Variants in DSC1 observed in about 807,000 individuals in gnomAD.
DSC1 encodes the protein desmocollin 1.
DSC1 carries 79 observed loss-of-function variants against 98.8 expected under a neutral mutation model. The observed-to-expected ratio is 0.80, with a 90% confidence interval of 0.67 to 0.96. The LOEUF is 0.96. Ranked by LOEUF, DSC1 falls within the 50% of genes least tolerant of loss-of-function variation. The probability of loss-of-function intolerance (pLI) is 0.00; values close to 1 mark genes in which losing one functional copy is unlikely to be tolerated. For missense variants in DSC1, 1,115 were observed against 1,075.9 expected, an observed-to-expected ratio of 1.04 and a Z score of -0.51; for synonymous variants, 405 against 372.1, an observed-to-expected ratio of 1.09 and a Z score of -1.02.
intron 1 of DSC1, among the ~76,000 whole-genome samples, chr18:31,160,842 A>C (rs779279834): frequency 6.6e-6 from 1 of 152,144 alleles, no homozygotes; most frequent in African/African-American, 2.4e-5. Context: ...ATACATATGC[A>C]TATACCTGTA....
intron 7 of DSC1, 79 bp from the exon 8 acceptor site, chr18:31,143,870 CA>C: frequency 1.9e-6 from 2 of 1,069,376 alleles, no homozygotes; most frequent in Non-Finnish European, 2.6e-6. Context: ...CTTGTTTAGG[CA>C]CGATTATTGT....
At position 31,130,644 on chromosome 18, in the gene DSC1, T is replaced by C. The variant is rs756072946; in HGVS notation, c.2555A>G (p.Tyr852Cys). Reference sequence around the variant, plus strand: ...GCCGGCCAGAGAACCTTTGCCTTCATAGTTATACGAACAAACGTAGTCTTC... The same window carrying C: ...GCCGGCCAGAGAACCTTTGCCTTCACAGTTATACGAACAAACGTAGTCTTC... ...HCEDYVCSYNYEGKGSLAGSV... is the reference protein window; with the variant it reads ...HCEDYVCSYNCEGKGSLAGSV... The change falls in exon 16 of 16, where the codon TAT becomes TGT. Residue 852 changes from tyrosine to cysteine, a missense_variant. By Grantham distance (194) the Tyr-to-Cys change is radical (BLOSUM62 -2). Coordinates refer to ENST00000257198, the MANE Select transcript of DSC1 (RefSeq NM_024421.2). The C allele has an allele frequency of 3.1e-6, 5 of 1,614,100 alleles. No individual in the cohort carries two copies. Among genetic ancestry groups the C allele is most frequent in the African/African-American group, 1.3e-5 (1 of 74,942 alleles).
intron 11 of DSC1, among the ~76,000 whole-genome samples, chr18:31,135,923 A>G (rs1309147386): frequency 6.6e-6 from 1 of 152,196 alleles, no homozygotes; most frequent in African/African-American, 2.4e-5. Context: ...CCATGCAAAT[A>G]TAATTTATTT....
chr18:31,154,782 G>T lies in DSC1; in HGVS notation c.619C>A (p.Gln207Lys). The change falls in exon 5 of 16, where the codon CAG becomes AAG. Residue 207 changes from glutamine to lysine, a missense_variant. Physicochemically the swap from Gln to Lys is moderately conservative, Grantham distance 53. Transcript: ENST00000257198. ...TRSIDREKYE[Q>K]FALYGYATTA... is the part of the protein sequence containing the mutation. ...TATTTCAATAATCCTACCGCAAACT[G>T]TTCATATTTCTCACGGTCAATGCTC... The T allele has an allele frequency of 6.2e-7, 1 of 1,610,324 alleles. No individual in the cohort carries two copies.
At chr18:31,130,861 A>G (rs542497878) in intron 15 of DSC1, 150 bp from the exon 16 acceptor site, 3 of 1,596,588 alleles carry the variant, frequency 1.9e-6, no homozygotes, top group Admixed American at 1.8e-5. Context: ...AATGCACAGG[A>G]TTGGTCTGTA....
chr18:31,139,944 T>TTC, intron 10 of DSC1, 54 bp from the exon 11 acceptor site: 1 of 1,565,090 alleles, frequency 6.4e-7, no homozygotes. Context: ...GACATGATCT[T>TTC]AAAATCTGTC....
At position 31,148,547 on chromosome 18, in the gene DSC1, A is replaced by G; in HGVS notation, c.723T>C (p.Tyr241=). 3.1e-6 allele frequency: 5 copies of G among 1,612,112 alleles called. No homozygotes were observed. Among genetic ancestry groups the G allele is most frequent in the Non-Finnish European group, 4.2e-6 (5 of 1,178,536 alleles). ...TAAAGATAGTCACTCTGTGTTCAAA[A>G]TATGGGGCGTTATCATTATCATCTT... ...KIEDDNDNAP[Y]FEHRVTIFTV... Residue 241 remains tyrosine (Y), a synonymous_variant, in exon 6 of 16, where the codon TAT becomes TAC. Coordinates refer to ENST00000257198, the MANE Select transcript of DSC1 (RefSeq NM_024421.2).
chr18:31,131,904 A>C, intron 14 of DSC1, 62 bp from the exon 15 acceptor site: 2 of 1,576,706 alleles, frequency 1.3e-6, no homozygotes, highest in African/African-American at 1.4e-5. Context: ...ATTCATTTTC[A>C]TTTTTTTTCA....
chr18:31,155,957 G>T, intron 4 of DSC1, 86 bp downstream of exon 4: 2 of 1,415,018 alleles, frequency 1.4e-6, no homozygotes, highest in Non-Finnish European at 1.9e-6. Flanking sequence ...TTAAACCTCT[G>T]ATTCAATATG....
intron 1 of DSC1, 73 bp from the exon 2 acceptor site, chr18:31,159,602 A>T (rs1213122231): frequency 1.5e-6 from 2 of 1,346,334 alleles, no homozygotes; most frequent in South Asian, 1.4e-5. Context: ...GCTTTTTCTT[A>T]TTGATAAAAA....
intron 8 of DSC1, among the ~76,000 whole-genome samples, chr18:31,143,157 TA>T (rs1213814258): frequency 1.3e-5 from 2 of 151,788 alleles, no homozygotes; most frequent in African/African-American, 4.8e-5. Context: ...TATATTTATA[TA>T]TATCTCTTAT....
intron 8 of DSC1, 75 bp downstream of exon 8, chr18:31,143,582 A>C: frequency 8.2e-7 from 1 of 1,226,714 alleles, no homozygotes; most frequent in Non-Finnish European, 1.1e-6. Flanking sequence ...GTGATCTCAC[A>C]GAGCTACCAA....
intron 5 of DSC1, among the ~76,000 whole-genome samples, chr18:31,154,270 G>A (rs1989052046): frequency 7.8e-6 from 1 of 128,130 alleles, no homozygotes; most frequent in Non-Finnish European, 1.8e-5. Flanking sequence ...GTGAGAGAAA[G>A]GGATGCAAAA....
In DSC1 at chr18:31,159,307, C is replaced by T. The variant is rs947407321; in HGVS notation, c.148+138G>A. 1.0e-5 allele frequency: 7 copies of T among 690,720 alleles called. 1 individual carries two copies. In the South Asian group the frequency reaches 1.2e-4, roughly 12 times the overall value. 42.8% of individuals were successfully genotyped at this position (690,720 alleles called of 1,614,324 possible). ...TGACCTCATGATCCACCCGCCTCGG[C>T]CTCCCAAAGTGCTGGGATTACAGGC... On this transcript the variant is annotated intron_variant, in intron 2 of 15. Coordinates refer to ENST00000257198, the MANE Select transcript of DSC1 (RefSeq NM_024421.2).
At chr18:31,156,197 G>A (rs771547999) in intron 3 of DSC1, 35 bp from the exon 4 acceptor site, 18 of 1,591,754 alleles carry the variant, frequency 1.1e-5, no homozygotes, top group Non-Finnish European at 1.5e-5. Context: ...ATGTAGCATT[G>A]CTTATCATTT....
intron 4 of DSC1, 150 bp downstream of exon 4, chr18:31,155,893 C>T: frequency 1.2e-6 from 1 of 806,590 alleles, no homozygotes; most frequent in Non-Finnish European, 1.9e-6. Flanking sequence ...TACTGGGTCA[C>T]TTCTATGGGA....
intron 11 of DSC1, among the ~76,000 whole-genome samples, chr18:31,135,269 T>G (rs956465083): frequency 6.6e-6 from 1 of 152,152 alleles, no homozygotes; most frequent in Non-Finnish European, 1.5e-5. Context: ...AGGAATACTT[T>G]TCTCCTCTTC....
At chr18:31,146,500 T>C (rs1988849399) in intron 6 of DSC1, among the ~76,000 whole-genome samples, 1 of 152,228 alleles carries the variant, frequency 6.6e-6, no homozygotes, top group African/African-American at 2.4e-5. Context: ...GAAGGGCACG[T>C]GGATTCATTT....
intron 7 of DSC1, among the ~76,000 whole-genome samples, chr18:31,145,372 A>G (rs1988825028): frequency 6.6e-6 from 1 of 152,230 alleles, no homozygotes. Context: ...ATAAATGTAA[A>G]GCAATTTTAT....
Sources: allele counts gnomAD v4.1 joint callset (sites outside exome capture counted in the v4.1 genomes callset), GRCh38; gene constraint gnomAD v4.1.1; transcripts MANE v1.5; gene names NCBI Gene and HGNC (gene_info 2026-07-23, HGNC 2026-07-21).